The following ATXN2 variants were observed in gnomAD, a reference collection of about 807,000 sequenced individuals.
ATXN2 encodes ataxin-2.
ATXN2 carries 37 observed loss-of-function variants against 138.6 expected under a neutral mutation model. That is an observed-to-expected ratio of 0.27 (90% CI 0.21 to 0.35). ATXN2 has a LOEUF of 0.35. ATXN2 is among the 10% of genes least tolerant of loss of function. ATXN2 has a pLI of 1.00. For missense variants in ATXN2, 1,216 were observed against 1,480.3 expected (o/e 0.82, Z 2.93); for synonymous variants, 549 against 543.7 (o/e 1.01, Z -0.13).
chr12:111,460,908 ACCCAAGCTG>A (rs1182891225), intron 21 of ATXN2, among the ~76,000 whole-genome samples: 1 of 152,236 alleles, frequency 6.6e-6, no homozygotes, highest in African/African-American at 2.4e-5. Flanking sequence ...TAGCACAAAT[ACCCAAGCTG>A]AGTGAATGTA....
At chr12:111,565,812 A>G (rs529550553) in intron 1 of ATXN2, among the ~76,000 whole-genome samples, 16 of 152,204 alleles carry the variant, frequency 1.1e-4, no homozygotes, top group African/African-American at 2.4e-4. Context: ...CCTGGCCAAC[A>G]TCGTGAAACC....
chr12:111,593,176 T>C (rs929776843), intron 1 of ATXN2, among the ~76,000 whole-genome samples: 1 of 151,930 alleles, frequency 6.6e-6, no homozygotes, highest in South Asian at 2.1e-4. Flanking sequence ...TCCGCACTCA[T>C]TGCAACCTCC....
chr12:111,547,242 T>C (rs1356112920), intron 5 of ATXN2, among the ~76,000 whole-genome samples: 1 of 151,064 alleles, frequency 6.6e-6, no homozygotes, highest in Admixed American at 6.6e-5. Context: ...GCCTGGCCAA[T>C]ATGGTGAAAC....
intron 23 of ATXN2, chr12:111,454,680 A>G (rs1874926990): frequency 3.7e-6 from 1 of 271,224 alleles, no homozygotes; most frequent in Non-Finnish European, 7.4e-6. Context: ...ACTGTTCTAG[A>G]CTACGATAAG....
chr12:111,489,610 TCA>T (rs2135703461), intron 14 of ATXN2, among the ~76,000 whole-genome samples: 1 of 128,316 alleles, frequency 7.8e-6, no homozygotes, highest in East Asian at 2.1e-4. Flanking sequence ...AGACTCCGTC[TCA>T]AAAAAAAAAA....
At chr12:111,455,614 C>T (rs928439042) in intron 23 of ATXN2, 3 of 307,230 alleles carry the variant, frequency 9.8e-6, no homozygotes, top group South Asian at 6.9e-5. Flanking sequence ...TGACAGGCCC[C>T]GGTAGTCACT....
At chr12:111,543,316 C>T (rs925386821) in intron 5 of ATXN2, among the ~76,000 whole-genome samples, 1 of 152,166 alleles carries the variant, frequency 6.6e-6, no homozygotes, top group Non-Finnish European at 1.5e-5. Context: ...AAAAAGACAA[C>T]CATATGAGAA....
chr12:111,480,503 C>T (rs761404071), intron 18 of ATXN2, among the ~76,000 whole-genome samples: 1 of 152,058 alleles, frequency 6.6e-6, no homozygotes, highest in Non-Finnish European at 1.5e-5. Context: ...GGTAAAACCC[C>T]GTCTCTACTA....
At chr12:111,469,169 C>T (rs531802435) in intron 20 of ATXN2, 70 of 151,600 alleles carry the variant, frequency 4.6e-4, no homozygotes, top group African/African-American at 1.6e-3. Flanking sequence ...TAGCAGTACA[C>T]TTTTCAACTG....
intron 14 of ATXN2, among the ~76,000 whole-genome samples, chr12:111,505,126 T>C (rs775198687): frequency 6.6e-6 from 1 of 152,088 alleles, no homozygotes; most frequent in Non-Finnish European, 1.5e-5. Context: ...AGCTACTCAT[T>C]TGAGCCCAGG....
rs150541685 is a variant in ATXN2 at position 111,545,787 on chromosome 12, A to G, written c.571+6493T>C. ...AGCCTGTGCAATACAGGGAAACCCC[A>G]TCTCTACAAAAAATATAAATATAAA... On this transcript the variant is annotated intron_variant, in intron 5 of 24. Transcript: ENST00000673436. Among the ~76,000 whole-genome samples, 335 of 152,116 alleles carry G rather than the reference A, an allele frequency of 2.2e-3. 2 individuals carry two copies. Among genetic ancestry groups the G allele is most frequent in the African/African-American group, 7.4e-3 (307 of 41,494 alleles).
chr12:111,556,862 GA>G (rs59132195), intron 1 of ATXN2, among the ~76,000 whole-genome samples: 46 of 142,366 alleles, frequency 3.2e-4, no homozygotes, highest in Middle Eastern at 3.6e-3. Flanking sequence ...TACAACTGCA[GA>G]AAAAAAAAAA....
chr12:111,525,971 C>T (rs2135748143), intron 5 of ATXN2, among the ~76,000 whole-genome samples: 1 of 152,080 alleles, frequency 6.6e-6, no homozygotes, highest in Admixed American at 6.5e-5. Context: ...CATGAGCCAC[C>T]ATGCCCAGCC....
chr12:111,584,862 A>G (rs1884238664), intron 1 of ATXN2, among the ~76,000 whole-genome samples: 1 of 152,054 alleles, frequency 6.6e-6, no homozygotes, highest in Admixed American at 6.6e-5. Flanking sequence ...CCAGCTACTC[A>G]GGAGGCTGAG....
intron 1 of ATXN2, among the ~76,000 whole-genome samples, chr12:111,587,336 TAAAAAGC>T (rs1884398962): frequency 6.6e-6 from 1 of 152,104 alleles, no homozygotes; most frequent in Non-Finnish European, 1.5e-5. Context: ...AACATGACTT[TAAAAAGC>T]AATATGAAAA....
chr12:111,502,751 G>A (rs1592839083), intron 14 of ATXN2, among the ~76,000 whole-genome samples: 1 of 152,140 alleles, frequency 6.6e-6, no homozygotes, highest in South Asian at 2.1e-4. Flanking sequence ...ATTCTTATGT[G>A]ACTCCACATG....
Position 111,518,381 on chromosome 12 carries a change from A to ATAT in ATXN2, c.1030_1032dup (p.Ile344dup). ...GAATTCTGTCTCCCACTTCCCCAGG[A>ATAT]TATGACTTCTCTATTTCTTTGTCCA... On this transcript the variant is annotated inframe_insertion, in exon 9 of 25. Coordinates refer to ENST00000673436, the MANE Select transcript of ATXN2 (RefSeq NM_001372574.1). 6.2e-7 allele frequency: 1 copy of ATAT among 1,612,942 alleles called. No individual in the cohort carries two copies.
At chr12:111,496,318 G>A (rs1288449192) in intron 14 of ATXN2, among the ~76,000 whole-genome samples, 1 of 152,056 alleles carries the variant, frequency 6.6e-6, no homozygotes, top group African/African-American at 2.4e-5. Flanking sequence ...GATCATCTGA[G>A]GTCAGGAGTT....
In ATXN2 at chr12:111,592,782, C is replaced by CAAAAAAAAAAAAA. The variant is rs71083183; in HGVS notation, c.251+5989_251+6001dup. On this transcript the variant is annotated intron_variant, in intron 1 of 24. Coordinates refer to ENST00000673436, the MANE Select transcript of ATXN2 (RefSeq NM_001372574.1). ...TGGGCGACAGAGCAAGACTCCGTCT[C>CAAAAAAAAAAAAA]AAAAAAAAAAAAAAAAAAAAAAGAT... Among the ~76,000 whole-genome samples, 188 of 25,998 alleles carry CAAAAAAAAAAAAA rather than the reference C, an allele frequency of 7.2e-3. 10 individuals carry two copies. Among genetic ancestry groups the CAAAAAAAAAAAAA allele is most frequent in the Non-Finnish European group, 8.0e-3 (97 of 12,054 alleles). The allele number at this position is 25,998 out of a possible 152,430, so 17.1% of individuals were successfully genotyped here.
Sources: gnomAD v4.1 joint callset for allele counts (sites outside exome capture counted in the v4.1 genomes callset) on GRCh38, gnomAD v4.1.1 for gene constraint, MANE v1.5 for transcripts, NCBI Gene and HGNC (gene_info 2026-07-23, HGNC 2026-07-21) for gene names.